Variants in AGBL4 observed in about 807,000 individuals in gnomAD.
The protein encoded by AGBL4 is AGBL carboxypeptidase 4.
In AGBL4, 58 loss-of-function variants were observed where a neutral mutation model predicts 66.4. The ratio of observed to expected loss-of-function variants is 0.87; its 90% CI spans 0.71 to 1.09. The LOEUF (loss-of-function observed/expected upper bound fraction) is 1.09. Ranked by LOEUF, AGBL4 falls within the 50% of genes least tolerant of loss-of-function variation. The pLI, the probability that AGBL4 is intolerant of heterozygous loss-of-function variation, is 0.00. For synonymous variants in AGBL4, 234 were observed against 222.9 expected, an observed-to-expected ratio of 1.05 and a Z score of -0.44; for missense variants, 579 against 631.0, an observed-to-expected ratio of 0.92 and a Z score of 0.88.
intron 2 of AGBL4, among the ~76,000 whole-genome samples, chr1:49,824,709 C>T (rs532258472): frequency 8.5e-5 from 13 of 152,190 alleles, no homozygotes; most frequent in African/African-American, 3.1e-4. Flanking sequence ...TAAACTAAAG[C>T]AAGGAAGCAT....
chr1:49,373,193 T>C (rs1251640350), intron 3 of AGBL4, among the ~76,000 whole-genome samples: 2 of 152,216 alleles, frequency 1.3e-5, no homozygotes, highest in African/African-American at 4.8e-5. Flanking sequence ...TTTAGATATT[T>C]AAATATTTTG....
At chr1:48,589,081 T>C (rs1002896982) in intron 10 of AGBL4, among the ~76,000 whole-genome samples, 1 of 152,162 alleles carries the variant, frequency 6.6e-6, no homozygotes, top group Non-Finnish European at 1.5e-5. Flanking sequence ...TTTTCTGAAA[T>C]TGCAGTGGTC....
At chr1:48,564,904 C>T (rs1644452138) in intron 11 of AGBL4, among the ~76,000 whole-genome samples, 1 of 152,174 alleles carries the variant, frequency 6.6e-6, no homozygotes, top group Admixed American at 6.5e-5. Context: ...TTGGCTTGGC[C>T]CACAGGGTCT....
At chr1:48,578,996 C>T (rs1197999952) in intron 11 of AGBL4, among the ~76,000 whole-genome samples, 1 of 152,008 alleles carries the variant, frequency 6.6e-6, no homozygotes, top group Non-Finnish European at 1.5e-5. Flanking sequence ...CTTTATAGTA[C>T]CTCGTAGAAA....
chr1:49,441,111 C>T (rs1443383988), intron 3 of AGBL4, among the ~76,000 whole-genome samples: 1 of 152,146 alleles, frequency 6.6e-6, no homozygotes, highest in Non-Finnish European at 1.5e-5. Flanking sequence ...CCCCTGTTAG[C>T]TTCAAGACAT....
rs76225444 is a variant in AGBL4 at position 49,814,504 on chromosome 1, T to C, written c.157+36892A>G. Among the ~76,000 whole-genome samples, 456 of 152,234 alleles carry C rather than the reference T, an allele frequency of 3.0e-3. 3 individuals carry two copies. Among genetic ancestry groups the C allele is most frequent in the African/African-American group, 0.011 (441 of 41,536 alleles). ...GGACAGAATCTGACCCAGGAGACAC[T>C]ATATAAATATTTGAGTAATAAATTA... On this transcript the variant is annotated intron_variant, in intron 2 of 13. Coordinates refer to ENST00000371839, the MANE Select transcript of AGBL4 (RefSeq NM_032785.4).
intron 3 of AGBL4, among the ~76,000 whole-genome samples, chr1:49,546,356 T>C (rs1179046478): frequency 6.6e-6 from 1 of 151,064 alleles, no homozygotes; most frequent in Non-Finnish European, 1.5e-5. Context: ...TATGTATATA[T>C]ATATTCCATC....
chr1:48,749,989 G>A (rs1351233623), intron 6 of AGBL4, among the ~76,000 whole-genome samples: 1 of 152,204 alleles, frequency 6.6e-6, no homozygotes, highest in African/African-American at 2.4e-5. Flanking sequence ...AGGGACCACT[G>A]TGGGCACAGT....
chr1:49,720,920 G>A (rs1290354009), intron 2 of AGBL4, among the ~76,000 whole-genome samples: 1 of 152,082 alleles, frequency 6.6e-6, no homozygotes, highest in Non-Finnish European at 1.5e-5. Context: ...AACGAAAGAA[G>A]GCAGAAAGAT....
At chr1:49,928,156 T>C (rs925996261) in intron 1 of AGBL4, among the ~76,000 whole-genome samples, 1 of 152,214 alleles carries the variant, frequency 6.6e-6, no homozygotes, top group East Asian at 1.9e-4. Flanking sequence ...ACAGAAATTA[T>C]CTAAAAGAAA....
At chr1:48,659,669 C>T (rs1448377517) in intron 7 of AGBL4, among the ~76,000 whole-genome samples, 2 of 152,224 alleles carry the variant, frequency 1.3e-5, no homozygotes, top group South Asian at 2.1e-4. Context: ...AGCTAGTGAC[C>T]CTCTCAGGAA....
chr1:48,541,723 C>T (rs1466777058), intron 11 of AGBL4, among the ~76,000 whole-genome samples: 3 of 152,072 alleles, frequency 2.0e-5, no homozygotes, highest in South Asian at 2.1e-4. Context: ...GAGCCAGGAT[C>T]GCACCATTGC....
the AGBL4 span, among the ~76,000 whole-genome samples, chr1:48,524,988 G>C: frequency 6.6e-6 from 1 of 152,092 alleles, no homozygotes; most frequent in East Asian, 1.9e-4. Context: ...CTTCTGGAGG[G>C]AGAGAGAAAA....
chr1:49,977,835 T>C (rs900613336), intron 1 of AGBL4, among the ~76,000 whole-genome samples: 8 of 152,248 alleles, frequency 5.3e-5, no homozygotes, highest in Admixed American at 2.6e-4. Flanking sequence ...TAACCTTCTA[T>C]CTTTCTGCTC....
At chr1:49,882,846 A>G (rs961800834) in intron 1 of AGBL4, among the ~76,000 whole-genome samples, 15 of 152,250 alleles carry the variant, frequency 9.9e-5, no homozygotes, top group Non-Finnish European at 1.3e-4. Context: ...GTTTGTTTTA[A>G]TAATGATGCA....
At chr1:49,861,444 C>T (rs948539784) in intron 1 of AGBL4, among the ~76,000 whole-genome samples, 2 of 152,042 alleles carry the variant, frequency 1.3e-5, no homozygotes, top group African/African-American at 2.4e-5. Context: ...AGCTCAGCCA[C>T]AGCATGATAG....
At chr1:49,966,172 G>A (rs1027438223) in intron 1 of AGBL4, among the ~76,000 whole-genome samples, 9 of 152,006 alleles carry the variant, frequency 5.9e-5, no homozygotes, top group Non-Finnish European at 1.2e-4. Flanking sequence ...TCAATCTCCT[G>A]ACCTGGTGAT....
At chr1:49,390,128 G>A (rs1644816408) in intron 3 of AGBL4, among the ~76,000 whole-genome samples, 7 of 152,158 alleles carry the variant, frequency 4.6e-5, no homozygotes, top group Admixed American at 4.6e-4. Flanking sequence ...GATGGAAGTG[G>A]TCAAAGTCAC....
intron 9 of AGBL4, chr1:48,634,279 A>G: frequency 2.4e-6 from 1 of 422,514 alleles, no homozygotes; most frequent in Non-Finnish European, 4.3e-6. Context: ...CAGACCTCCA[A>G]AACTGAATCC....
Sources: gnomAD v4.1 joint callset for allele counts (sites outside exome capture counted in the v4.1 genomes callset) on GRCh38, gnomAD v4.1.1 for gene constraint, MANE v1.5 for transcripts, NCBI Gene and HGNC (gene_info 2026-07-23, HGNC 2026-07-21) for gene names.